Variants in AHCYL2 observed in about 807,000 individuals in gnomAD.
AHCYL2 encodes the protein S-adenosylhomocysteine hydrolase-like protein 2.
AHCYL2 carries 28 observed loss-of-function variants against 81.4 expected under a neutral mutation model. That is an observed-to-expected ratio of 0.34 (90% CI 0.25 to 0.47). AHCYL2 has a LOEUF of 0.47. AHCYL2 is among the 20% of genes least tolerant of loss of function. AHCYL2 has a pLI of 1.00. For missense variants in AHCYL2, 551 were observed against 785.1 expected (o/e 0.70, Z 3.56); for synonymous variants, 272 against 290.2 (o/e 0.94, Z 0.64).
At chr7:129,322,645 G>T (rs1798080540) in intron 1 of AHCYL2, among the ~76,000 whole-genome samples, 1 of 151,980 alleles carries the variant, frequency 6.6e-6, no homozygotes, top group Admixed American at 6.5e-5. Context: ...AGGCTGGCAT[G>T]CAGTGGCATG....
At chr7:129,331,273 A>T (rs1170540369) in intron 1 of AHCYL2, among the ~76,000 whole-genome samples, 1 of 152,184 alleles carries the variant, frequency 6.6e-6, no homozygotes, top group Non-Finnish European at 1.5e-5. Flanking sequence ...AATAGAGAAC[A>T]TGTTATCTCT....
chr7:129,338,150 G>C (rs777346608), intron 1 of AHCYL2, among the ~76,000 whole-genome samples: 6 of 152,040 alleles, frequency 3.9e-5, no homozygotes, highest in Non-Finnish European at 5.9e-5. Context: ...CTGATTCCAA[G>C]GATGTATGCA....
chr7:129,326,185 A>G (rs1459462435), intron 1 of AHCYL2, among the ~76,000 whole-genome samples: 1 of 152,068 alleles, frequency 6.6e-6, no homozygotes, highest in East Asian at 1.9e-4. Flanking sequence ...AAGACTTTTA[A>G]TATGTGTTGC....
At chr7:129,376,232 C>T (rs1204583982) in intron 1 of AHCYL2, among the ~76,000 whole-genome samples, 1 of 152,154 alleles carries the variant, frequency 6.6e-6, no homozygotes, top group Admixed American at 6.5e-5. Context: ...CAAAACCAAT[C>T]CATTACAAAA....
At chr7:129,357,158 G>A (rs1584818477) in intron 1 of AHCYL2, among the ~76,000 whole-genome samples, 1 of 152,134 alleles carries the variant, frequency 6.6e-6, no homozygotes, top group Admixed American at 6.5e-5. Flanking sequence ...ATACCAAGGA[G>A]GACAACCAAA....
chr7:129,227,245 G>T (rs1031982464), intron 1 of AHCYL2, among the ~76,000 whole-genome samples: 27 of 152,072 alleles, frequency 1.8e-4, no homozygotes, highest in Admixed American at 1.3e-3. Flanking sequence ...ATGAATAATT[G>T]ATTTTATTTT....
chr7:129,317,655 CAA>C (rs1368850972), intron 1 of AHCYL2, among the ~76,000 whole-genome samples: 2 of 152,154 alleles, frequency 1.3e-5, no homozygotes, highest in Non-Finnish European at 2.9e-5. Context: ...GCAGCTTAGG[CAA>C]AGAGTGCTTT....
chr7:129,334,702 TC>T (rs570317161), intron 1 of AHCYL2, among the ~76,000 whole-genome samples: 49 of 152,276 alleles, frequency 3.2e-4, no homozygotes, highest in South Asian at 1.0e-3. Context: ...CAAAATTTCT[TC>T]CTGCTCAGTA....
chr7:129,357,591 A>G (rs192186496), intron 1 of AHCYL2, among the ~76,000 whole-genome samples: 6 of 152,316 alleles, frequency 3.9e-5, no homozygotes, highest in Admixed American at 3.9e-4. Flanking sequence ...AAAAGACTTG[A>G]AAGACTCTTC....
chr7:129,388,881 G>A (rs1438218532), intron 2 of AHCYL2, 175 bp from the exon 3 acceptor site: 1 of 592,668 alleles, frequency 1.7e-6, no homozygotes, highest in Admixed American at 3.5e-5. Flanking sequence ...GAATGTCTTT[G>A]GCAATCTCTT....
chr7:129,307,632 A>C (rs1442987884), intron 1 of AHCYL2, among the ~76,000 whole-genome samples: 1 of 151,824 alleles, frequency 6.6e-6, no homozygotes, highest in East Asian at 2.0e-4. Context: ...CTGCAAGACA[A>C]AGTCTCCTTT....
intron 1 of AHCYL2, among the ~76,000 whole-genome samples, chr7:129,270,428 G>A (rs1408875308): frequency 2.0e-5 from 3 of 152,052 alleles, no homozygotes; most frequent in Non-Finnish European, 2.9e-5. Context: ...TTTTCTTTGA[G>A]TTTCTCTTCC....
At chr7:129,312,640 C>T (rs2150777447) in intron 1 of AHCYL2, among the ~76,000 whole-genome samples, 1 of 152,254 alleles carries the variant, frequency 6.6e-6, no homozygotes, top group Non-Finnish European at 1.5e-5. Context: ...TACAAGATTA[C>T]CTTTTTGCTA....
At chr7:129,294,596 C>T (rs759316911) in intron 1 of AHCYL2, among the ~76,000 whole-genome samples, 2 of 152,118 alleles carry the variant, frequency 1.3e-5, no homozygotes, top group African/African-American at 2.4e-5. Flanking sequence ...GAATCCATAT[C>T]GGTCTCTAAA....
chr7:129,337,814 G>T (rs527548469), intron 1 of AHCYL2, among the ~76,000 whole-genome samples: 1 of 152,264 alleles, frequency 6.6e-6, no homozygotes, highest in Non-Finnish European at 1.5e-5. Context: ...CACAATCCTG[G>T]CTCACTGCAA....
intron 1 of AHCYL2, among the ~76,000 whole-genome samples, chr7:129,318,374 C>T (rs1310128557): frequency 1.3e-5 from 2 of 152,182 alleles, no homozygotes; most frequent in Non-Finnish European, 2.9e-5. Context: ...GGACTACAGG[C>T]ATGTGCCACT....
rs1175608941 is a variant in AHCYL2, at chr7:129,379,699, G to A, written c.425G>A (p.Arg142His). 5.0e-6 allele frequency: 8 copies of A among 1,613,914 alleles called. No homozygotes were observed. Among genetic ancestry groups the A allele is most frequent in the South Asian group, 1.1e-5 (1 of 91,078 alleles). The part of the protein sequence containing the change: ...FNKRPTKIGR[R>H]SLSRSISQSS... ...AAACGTCCCACCAAAATTGGACGTC[G>A]CTCTTTGTCTCGTTCCATTTCTCAG... The change falls in exon 2 of 17, where the codon CGC becomes CAC. Residue 142 changes from arginine (R) to histidine (H), a missense_variant. Around this residue, in one of 2 missense-constraint regions of AHCYL2, gnomAD observed 235 missense variants for 242.1 expected, o/e 0.97. Transcript: ENST00000325006.
At position 129,368,262 on chromosome 7, in the gene AHCYL2, G is replaced by T; in HGVS notation, c.364-11376G>T. The T allele has an allele frequency of 7.2e-7, 1 of 1,398,314 alleles. No individual in the cohort carries two copies. The highest frequency in any genetic ancestry group is 9.3e-7 in the Non-Finnish European group (1 of 1,077,358). The allele number at this position is 1,398,314 out of a possible 1,614,324, so 86.6% of individuals were successfully genotyped here. A position where few individuals can be genotyped will look rare whatever the true frequency, so the allele number is the denominator to read the frequency against. On this transcript the variant is annotated intron_variant, in intron 1 of 16. Transcript: ENST00000325006. The surrounding 1 kb of genome is among the most constrained non-coding windows in gnomAD (Gnocchi z 4.4). ...AGCACTTTGCATCAGCTCTGATTTTGAAATCAGACACAGAAGGCTTTGAAG... is the reference window on the plus strand; with the variant it reads ...AGCACTTTGCATCAGCTCTGATTTTTAAATCAGACACAGAAGGCTTTGAAG...
intron 1 of AHCYL2, among the ~76,000 whole-genome samples, chr7:129,280,379 G>A (rs1049183592): frequency 6.6e-6 from 1 of 151,916 alleles, no homozygotes; most frequent in Non-Finnish European, 1.5e-5. Context: ...GTGTTGGCCA[G>A]GCTGGTCTGG....
Sources: allele counts gnomAD v4.1 joint callset (sites outside exome capture counted in the v4.1 genomes callset), GRCh38; gene constraint gnomAD v4.1.1; regional missense constraint gnomAD v4.1.1; non-coding constraint Gnocchi (gnomAD v3.1); transcripts MANE v1.5; gene names NCBI Gene and HGNC (gene_info 2026-07-23, HGNC 2026-07-21).